ULK2: variants seen among roughly 807,000 people sequenced by gnomAD.
ULK2 encodes the protein unc-51 like autophagy activating kinase 2, also known as serine/threonine-protein kinase ULK2.
In ULK2, 76 loss-of-function variants were observed where a neutral mutation model predicts 127.5. That is an observed-to-expected ratio of 0.60 (90% CI 0.50 to 0.72). ULK2 has a LOEUF of 0.72. ULK2 is among the 30% of genes least tolerant of loss of function. The pLI, the probability that ULK2 is intolerant of heterozygous loss-of-function variation, is 0.00. For synonymous variants in ULK2, 452 were observed against 461.9 expected, an observed-to-expected ratio of 0.98 and a Z score of 0.28; for missense variants, 1,144 against 1,295.9, an observed-to-expected ratio of 0.88 and a Z score of 1.80.
intron 3 of ULK2, among the ~76,000 whole-genome samples, chr17:19,853,138 A>T (rs2042053659): frequency 7.0e-6 from 1 of 143,722 alleles, no homozygotes; most frequent in African/African-American, 2.6e-5. Flanking sequence ...AATTTTTTTA[A>T]TTTTTTTTTT....
chr17:19,856,447 T>C (rs1218673975), intron 3 of ULK2, among the ~76,000 whole-genome samples: 3 of 150,388 alleles, frequency 2.0e-5, no homozygotes, highest in African/African-American at 7.3e-5. Flanking sequence ...CCGGGTATGG[T>C]GGCAGGTGCC....
chr17:19,781,794 G>A, intron 23 of ULK2, 95 bp downstream of exon 23: 1 of 1,363,962 alleles, frequency 7.3e-7, no homozygotes, highest in Admixed American at 2.3e-5. Context: ...TTAATAATGA[G>A]ATATGATCTT....
In ULK2 at chr17:19,795,675, C is replaced by T. The variant is rs1055578894; in HGVS notation, c.2048G>A (p.Cys683Tyr). The T allele has an allele frequency of 6.2e-7, 1 of 1,614,122 alleles. No individual in the cohort carries two copies. The highest frequency in any genetic ancestry group is 1.1e-5 in the South Asian group (1 of 91,084). Reference protein sequence around the residue: ...LSDQQGKTPICRHQGSTDSLN... With the variant: ...LSDQQGKTPIYRHQGSTDSLN... Reference sequence around the variant, plus strand: ...ACTGTCTGTGCTGCCCTGATGTCGACATATAGGAGTCTTTCCTTGTTGATC... The same window carrying T: ...ACTGTCTGTGCTGCCCTGATGTCGATATATAGGAGTCTTTCCTTGTTGATC... The change falls in exon 20 of 27, where the codon TGT (cysteine) becomes TAT (tyrosine). Residue 683 changes from cysteine (C) to tyrosine (Y), a missense_variant. Cys to Tyr is a radical substitution (Grantham distance 194). Transcript: ENST00000395544.
At chr17:19,800,825 C>T (rs1177064055) in intron 16 of ULK2, among the ~76,000 whole-genome samples, 7 of 152,216 alleles carry the variant, frequency 4.6e-5, no homozygotes, top group Admixed American at 4.6e-4. Context: ...CACCTCAGTG[C>T]TGCCTCTCAT....
chr17:19,838,556 C>T lies in ULK2; in HGVS notation c.732G>A (p.Leu244=). The T allele has an allele frequency of 6.2e-7, 1 of 1,613,122 alleles. No individual in the cohort carries two copies. The highest frequency in any genetic ancestry group is 8.5e-7 in the Non-Finnish European group (1 of 1,179,712). ...GAAGCAAACCCAAAAGGAGATTAGC[C>T]AAATAAGGTGATGTTTCTCTGGGAA... ...PSIPRETSPY[L]ANLLLGLLQR... is the part of the protein sequence containing the mutation. The change falls in exon 10 of 27, where the codon TTG becomes TTA. Residue 244 remains leucine (L), a synonymous_variant. Coordinates refer to ENST00000395544, the MANE Select transcript of ULK2 (RefSeq NM_014683.4).
intron 20 of ULK2, among the ~76,000 whole-genome samples, chr17:19,793,442 T>A (rs899727356): frequency 6.6e-6 from 1 of 152,212 alleles, no homozygotes; most frequent in Non-Finnish European, 1.5e-5. Context: ...GACCACTGAA[T>A]AGCCCATCCA....
intron 5 of ULK2, among the ~76,000 whole-genome samples, chr17:19,848,022 C>T (rs758651368): frequency 4.6e-5 from 7 of 152,048 alleles, no homozygotes; most frequent in African/African-American, 1.7e-4. Flanking sequence ...AGAATAACTA[C>T]GAGTTGACAT....
intron 3 of ULK2, among the ~76,000 whole-genome samples, chr17:19,856,586 A>G (rs199794908): frequency 6.6e-6 from 1 of 151,290 alleles, no homozygotes; most frequent in East Asian, 2.0e-4. Flanking sequence ...CGTCACACAC[A>G]CAAAAAAAAA....
chr17:19,866,147 T>C (rs2042346398), intron 1 of ULK2, among the ~76,000 whole-genome samples: 1 of 152,166 alleles, frequency 6.6e-6, no homozygotes, highest in Admixed American at 6.6e-5. Context: ...TGAAAAGTTA[T>C]TTGTTAGCTT....
rs917166785 is a variant in ULK2 at position 19,845,707 on chromosome 17, T to C, written c.470-330A>G. On this transcript the variant is annotated intron_variant, in intron 6 of 26. Transcript: ENST00000395544. ...ACCAGATGTAGAATGTGAACAATTATGCTTTTATTGTTTCAAATAATTTTG... is the reference window on the plus strand; with the variant it reads ...ACCAGATGTAGAATGTGAACAATTACGCTTTTATTGTTTCAAATAATTTTG... Among the ~76,000 whole-genome samples, 4 of 152,194 alleles carry C rather than the reference T, an allele frequency of 2.6e-5. 1 individual carries two copies. The highest frequency in any genetic ancestry group is 4.4e-5 in the Non-Finnish European group (3 of 68,042).
chr17:19,841,618 C>G, intron 8 of ULK2, 71 bp from the exon 9 acceptor site: 2 of 1,227,860 alleles, frequency 1.6e-6, no homozygotes, highest in South Asian at 2.9e-5. Flanking sequence ...GATTGACACT[C>G]ATATGCTTTT....
intron 10 of ULK2, among the ~76,000 whole-genome samples, chr17:19,837,284 G>C (rs550219911): frequency 6.6e-6 from 1 of 152,178 alleles, no homozygotes; most frequent in South Asian, 2.1e-4. Flanking sequence ...GCCAGAGGTG[G>C]TGTTGTACAC....
At chr17:19,857,832 G>A (rs1340074039) in intron 3 of ULK2, among the ~76,000 whole-genome samples, 3 of 152,004 alleles carry the variant, frequency 2.0e-5, no homozygotes, top group Admixed American at 1.3e-4. Context: ...CTATGCTCTC[G>A]CTCTCATTAC....
intron 3 of ULK2, among the ~76,000 whole-genome samples, chr17:19,854,567 G>A (rs2042083951): frequency 6.6e-6 from 1 of 152,060 alleles, no homozygotes; most frequent in Non-Finnish European, 1.5e-5. Flanking sequence ...ACAGGTAAGA[G>A]TCTGGGATAG....
Position 19,793,359 on chromosome 17 carries a change from C to A in ULK2, c.2101+2263G>T, listed in dbSNP as rs1303435973. Among the ~76,000 whole-genome samples the A allele has an allele frequency of 2.0e-5, 3 of 152,114 alleles. No individual in the cohort carries two copies. The East Asian group carries it at 5.8e-4, about 29-fold the overall frequency. On this transcript the variant is annotated intron_variant, in intron 20 of 26. Coordinates refer to ENST00000395544, the MANE Select transcript of ULK2 (RefSeq NM_014683.4). ...GTGGGGACACAAAACCTAACCCTAT[C>A]AATGGTCAACCGAGTTTTGACAAGG...
chr17:19,834,702 A>T (rs2041547692), intron 10 of ULK2, among the ~76,000 whole-genome samples: 1 of 152,100 alleles, frequency 6.6e-6, no homozygotes, highest in Non-Finnish European at 1.5e-5. Context: ...GCTTGAACCC[A>T]GGAGTTGGCA....
chr17:19,806,807 C>T (rs969229090), intron 14 of ULK2, among the ~76,000 whole-genome samples: 5 of 152,202 alleles, frequency 3.3e-5, no homozygotes, highest in Admixed American at 2.6e-4. Context: ...CTGTGTGGAC[C>T]GTCATCTTGG....
intron 12 of ULK2, 46 bp downstream of exon 12, chr17:19,825,048 G>A (rs2041252865): frequency 6.6e-7 from 1 of 1,526,558 alleles, no homozygotes; most frequent in South Asian, 1.1e-5. Flanking sequence ...GAGAAAAGAT[G>A]TAATAGCACT....
At chr17:19,820,624 C>A (rs1234301896) in intron 12 of ULK2, among the ~76,000 whole-genome samples, 2 of 152,172 alleles carry the variant, frequency 1.3e-5, no homozygotes, top group African/African-American at 4.8e-5. Context: ...TTTTAAAATT[C>A]ACTTAATTTT....
Sources: allele counts gnomAD v4.1 joint callset (sites outside exome capture counted in the v4.1 genomes callset), GRCh38; gene constraint gnomAD v4.1.1; transcripts MANE v1.5; gene names NCBI Gene and HGNC (gene_info 2026-07-23, HGNC 2026-07-21).